SRGAP3: variants seen among roughly 807,000 people sequenced by gnomAD.
SRGAP3 encodes SLIT-ROBO Rho GTPase activating protein 3.
A neutral mutation model predicts 121.1 loss-of-function variants in SRGAP3; 39 were observed. The observed-to-expected ratio is 0.32, with a 90% CI of 0.25 to 0.42. The LOEUF (loss-of-function observed/expected upper bound fraction) is 0.42, where lower values mean the gene tolerates loss of function less well. SRGAP3 is among the 10% of genes least tolerant of loss of function. The pLI is 1.00. For synonymous variants in SRGAP3, 601 were observed against 570.0 expected (o/e 1.05, Z -0.77); for missense variants, 1,213 against 1,470.6 (o/e 0.82, Z 2.86).
chr3:9,080,932 A>G (rs1326186997), intron 3 of SRGAP3, among the ~76,000 whole-genome samples: 1 of 152,178 alleles, frequency 6.6e-6, no homozygotes, highest in East Asian at 1.9e-4. Context: ...ATATATTACA[A>G]TGCAATAATA....
At chr3:8,999,494 G>C (rs1283761642) in intron 18 of SRGAP3, among the ~76,000 whole-genome samples, 1 of 152,192 alleles carries the variant, frequency 6.6e-6, no homozygotes. Context: ...CTGCATGAAA[G>C]AGGGGATGGC....
intron 17 of SRGAP3, among the ~76,000 whole-genome samples, chr3:9,012,459 T>C (rs1943423598): frequency 6.6e-6 from 1 of 152,240 alleles, no homozygotes; most frequent in Non-Finnish European, 1.5e-5. Context: ...TTTTAAGGTC[T>C]TAGCCTGGGG....
At chr3:9,094,599 A>C (rs2124870780) in intron 3 of SRGAP3, among the ~76,000 whole-genome samples, 2 of 152,226 alleles carry the variant, frequency 1.3e-5, no homozygotes, top group East Asian at 3.9e-4. Flanking sequence ...CTGGGAACGC[A>C]TGAGGGTCCT....
At chr3:9,104,383 G>A (rs565617038) in intron 3 of SRGAP3, among the ~76,000 whole-genome samples, 1 of 152,222 alleles carries the variant, frequency 6.6e-6, no homozygotes, top group African/African-American at 2.4e-5. Context: ...TGTGCTCATC[G>A]TCATTCTTTA....
intron 2 of SRGAP3, among the ~76,000 whole-genome samples, chr3:9,118,674 T>A (rs1218526423): frequency 7.0e-6 from 1 of 143,568 alleles, no homozygotes; most frequent in Non-Finnish European, 1.5e-5. Flanking sequence ...GGGGGCTTGT[T>A]AAATGCAGAT....
chr3:9,192,774 G>C (rs1477249474), intron 1 of SRGAP3: 1 of 152,166 alleles, frequency 6.6e-6, no homozygotes, highest in Non-Finnish European at 1.5e-5. Flanking sequence ...ACAGGGGCAG[G>C]GCAAGAAGAG....
chr3:9,283,190 C>A (rs1048711517), intron 3 of SRGAP3, among the ~76,000 whole-genome samples: 2 of 152,158 alleles, frequency 1.3e-5, no homozygotes, highest in Admixed American at 6.5e-5. Context: ...ATCCACCCCC[C>A]CTCGGCCTCC....
At chr3:9,021,621 A>G (rs917743360) in intron 14 of SRGAP3, among the ~76,000 whole-genome samples, 12 of 152,180 alleles carry the variant, frequency 7.9e-5, no homozygotes, top group African/African-American at 2.9e-4. Context: ...ACTTTTCAGG[A>G]GCTCAAGGAA....
intron 3 of SRGAP3, among the ~76,000 whole-genome samples, chr3:9,096,320 T>G (rs975203674): frequency 7.2e-5 from 11 of 152,340 alleles, no homozygotes; most frequent in Middle Eastern, 3.4e-3. Context: ...ACTTCTGGGA[T>G]GCAGCTAATT....
chr3:9,297,349 G>A (rs113594443), intron 3 of SRGAP3, among the ~76,000 whole-genome samples: 9 of 152,096 alleles, frequency 5.9e-5, no homozygotes, highest in African/African-American at 2.2e-4. Context: ...ATACAGGGTA[G>A]TTAATAGCAG....
intron 1 of SRGAP3, among the ~76,000 whole-genome samples, chr3:9,242,209 G>A (rs1367537128): frequency 4.6e-5 from 7 of 152,014 alleles, no homozygotes; most frequent in South Asian, 2.1e-4. Context: ...GAAGCAGGCC[G>A]TCACCAGGAA....
intron 1 of SRGAP3, among the ~76,000 whole-genome samples, chr3:9,246,228 C>G (rs1296492783): frequency 6.6e-6 from 1 of 152,130 alleles, no homozygotes; most frequent in South Asian, 2.1e-4. Context: ...ATCAAAAGTT[C>G]CCTTCACAAA....
intron 1 of SRGAP3, among the ~76,000 whole-genome samples, chr3:9,159,759 T>C (rs1043996249): frequency 2.6e-5 from 4 of 152,220 alleles, no homozygotes; most frequent in Non-Finnish European, 4.4e-5. Context: ...TGTCCCACTT[T>C]GCCTCCCCCA....
At chr3:9,313,216 A>C (rs1238291619) in intron 3 of SRGAP3, among the ~76,000 whole-genome samples, 2 of 152,074 alleles carry the variant, frequency 1.3e-5, no homozygotes, top group Non-Finnish European at 2.9e-5. Context: ...TTCACCTGGA[A>C]AGCTTTCTCC....
intron 1 of SRGAP3, among the ~76,000 whole-genome samples, chr3:9,352,404 G>A (rs966456402): frequency 4.6e-5 from 7 of 151,374 alleles, no homozygotes; most frequent in African/African-American, 1.5e-4. Flanking sequence ...CTCCTGAGTT[G>A]CTGGGATTAC....
chr3:9,243,403 G>A (rs1336908028), intron 1 of SRGAP3, among the ~76,000 whole-genome samples: 1 of 152,132 alleles, frequency 6.6e-6, no homozygotes, highest in Non-Finnish European at 1.5e-5. Flanking sequence ...GGGAGGCCGA[G>A]GCAGGCGGAT....
intron 3 of SRGAP3, among the ~76,000 whole-genome samples, chr3:9,283,284 T>C (rs1333693868): frequency 1.3e-5 from 2 of 152,206 alleles, no homozygotes; most frequent in Non-Finnish European, 2.9e-5. Context: ...TCTGAAACCA[T>C]ATCAGTGAAC....
intron 1 of SRGAP3, among the ~76,000 whole-genome samples, chr3:9,342,166 C>T (rs1034113504): frequency 1.8e-4 from 28 of 152,132 alleles, no homozygotes; most frequent in Non-Finnish European, 3.1e-4. Flanking sequence ...GTCTGGCCAA[C>T]ATGGCAAAAC....
intron 2 of SRGAP3, among the ~76,000 whole-genome samples, chr3:9,121,248 G>A (rs1188661932): frequency 6.6e-6 from 1 of 152,110 alleles, no homozygotes; most frequent in Non-Finnish European, 1.5e-5. Context: ...GGAATAAAAT[G>A]ACAAGTCCTG....
Sources: allele counts gnomAD v4.1 joint callset (sites outside exome capture counted in the v4.1 genomes callset), GRCh38; gene constraint gnomAD v4.1.1; transcripts MANE v1.5; gene names NCBI Gene and HGNC (gene_info 2026-07-23, HGNC 2026-07-21).